Variants in PDE1C observed in about 807,000 individuals in gnomAD.
PDE1C encodes dual specificity calcium/calmodulin-dependent 3',5'-cyclic nucleotide phosphodiesterase 1C.
In PDE1C, 62 loss-of-function variants were observed where a neutral mutation model predicts 93.1. That is an observed-to-expected ratio of 0.67 (90% CI 0.54 to 0.82). The LOEUF is 0.82. Among genes scored for constraint, PDE1C ranks in the 40% least tolerant of loss-of-function variants. The pLI, the probability that PDE1C is intolerant of heterozygous loss-of-function variation, is 0.00. For missense variants in PDE1C, 742 were observed against 884.6 expected, an observed-to-expected ratio of 0.84 and a Z score of 2.04; for synonymous variants, 325 against 310.1, an observed-to-expected ratio of 1.05 and a Z score of -0.50.
chr7:31,701,647 G>C, the PDE1C span, among the ~76,000 whole-genome samples: 3 of 152,170 alleles, frequency 2.0e-5, no homozygotes, highest in Non-Finnish European at 2.9e-5. Context: ...ATTGTTAAAG[G>C]AAGAGTCCAT....
At chr7:32,042,889 G>A (rs899446384) in intron 2 of PDE1C, among the ~76,000 whole-genome samples, 17 of 152,140 alleles carry the variant, frequency 1.1e-4, no homozygotes, top group African/African-American at 4.1e-4. Flanking sequence ...CTGTTTTTGA[G>A]CCAAAGACCA....
At chr7:32,269,775 G>T (rs1810843302) in intron 1 of PDE1C, among the ~76,000 whole-genome samples, 3 of 151,832 alleles carry the variant, frequency 2.0e-5, no homozygotes. Context: ...ACCGTGCCCG[G>T]CCTGTTTGTT....
At chr7:31,764,859 C>A (rs1239455236) in intron 17 of PDE1C, among the ~76,000 whole-genome samples, 1 of 152,156 alleles carries the variant, frequency 6.6e-6, no homozygotes, top group Non-Finnish European at 1.5e-5. Context: ...CATTCAGTAA[C>A]CTTCATAAAT....
At position 32,218,499 on chromosome 7, in the gene PDE1C, A is replaced by G. The variant is rs1302021784; in HGVS notation, c.86-8960T>C. Among the ~76,000 whole-genome samples, 2 of 152,188 alleles carry G rather than the reference A, an allele frequency of 1.3e-5. 1 individual carries two copies. The highest frequency in any genetic ancestry group is 4.8e-5 in the African/African-American group (2 of 41,450). On this transcript the variant is annotated intron_variant, in intron 1 of 18. Coordinates refer to the PDE1C transcript ENST00000396193. ...TGGCTCGTGCAGCCCAGGGTATCAC[A>G]CAGACAGAGGGAAAATCCAAGAGGC...
At chr7:32,132,670 A>T (rs1285475734) in intron 3 of PDE1C, among the ~76,000 whole-genome samples, 1 of 152,146 alleles carries the variant, frequency 6.6e-6, no homozygotes, top group Non-Finnish European at 1.5e-5. Flanking sequence ...TGTCTCAAAA[A>T]TAACAATGAC....
At chr7:31,717,946 AG>A in the PDE1C span, among the ~76,000 whole-genome samples, 2 of 152,214 alleles carry the variant, frequency 1.3e-5, no homozygotes. Context: ...GGAGAAGCAA[AG>A]AGAAGAAATG....
chr7:32,067,073 T>C (rs1162938917), intron 1 of PDE1C, among the ~76,000 whole-genome samples: 1 of 152,204 alleles, frequency 6.6e-6, no homozygotes, highest in African/African-American at 2.4e-5. Context: ...TCAAGGGGCA[T>C]GGGCGCCATC....
chr7:32,117,231 G>A (rs1013673403), intron 3 of PDE1C, among the ~76,000 whole-genome samples: 6 of 152,170 alleles, frequency 3.9e-5, no homozygotes, highest in African/African-American at 1.4e-4. Flanking sequence ...AGAATCTCAA[G>A]CAGTTTGTCT....
downstream of PDE1C, among the ~76,000 whole-genome samples, chr7:31,748,555 A>G (rs1794054257): frequency 6.6e-6 from 1 of 152,248 alleles, no homozygotes; most frequent in African/African-American, 2.4e-5. Flanking sequence ...TTCCACAGTT[A>G]TTATCACTTG....
At chr7:31,776,163 G>T (rs938905174) in intron 16 of PDE1C, among the ~76,000 whole-genome samples, 2 of 152,208 alleles carry the variant, frequency 1.3e-5, no homozygotes, top group African/African-American at 4.8e-5. Flanking sequence ...TTCTGATTTA[G>T]AATGAGGGAA....
At chr7:32,360,955 G>C (rs141744806) in intron 1 of PDE1C, among the ~76,000 whole-genome samples, 6 of 152,250 alleles carry the variant, frequency 3.9e-5, no homozygotes, top group African/African-American at 1.2e-4. Context: ...GAGCTTTATG[G>C]GTACGAATTC....
At chr7:32,128,687 G>A (rs1400338791) in intron 3 of PDE1C, among the ~76,000 whole-genome samples, 4 of 151,284 alleles carry the variant, frequency 2.6e-5, no homozygotes, top group Admixed American at 6.6e-5. Flanking sequence ...TAGTAACAAC[G>A]TAAACGGGTA....
chr7:31,848,788 C>T (rs1317209914), intron 8 of PDE1C, among the ~76,000 whole-genome samples: 1 of 152,124 alleles, frequency 6.6e-6, no homozygotes, highest in Non-Finnish European at 1.5e-5. Context: ...TTGTTAGAGC[C>T]CTTTGGTGGC....
intron 1 of PDE1C, among the ~76,000 whole-genome samples, chr7:32,289,806 T>C (rs2128896419): frequency 6.6e-6 from 1 of 152,220 alleles, no homozygotes; most frequent in East Asian, 1.9e-4. Flanking sequence ...TCTCCTTTTC[T>C]CCTCCCCAAG....
intron 7 of PDE1C, among the ~76,000 whole-genome samples, chr7:31,859,896 TA>T (rs1292643809): frequency 6.6e-6 from 1 of 152,192 alleles, no homozygotes; most frequent in Non-Finnish European, 1.5e-5. Context: ...TACAACTTTT[TA>T]AACTGAATAA....
chr7:32,136,857 C>T (rs1800239472), intron 3 of PDE1C, among the ~76,000 whole-genome samples: 1 of 152,182 alleles, frequency 6.6e-6, no homozygotes, highest in Non-Finnish European at 1.5e-5. Flanking sequence ...CAAAAATTAT[C>T]TTCATCTGAA....
upstream of PDE1C, chr7:32,070,602 C>T: frequency 7.0e-7 from 1 of 1,420,810 alleles, no homozygotes; most frequent in South Asian, 1.5e-5. Flanking sequence ...GCTCCGGAGG[C>T]AGCTGCGGGA....
Position 32,298,748 on chromosome 7 carries a change from C to T in PDE1C, c.-13G>A, listed in dbSNP as rs780745383. On this transcript the variant is annotated 5_prime_UTR_variant, in exon 1 of 19. Transcript: ENST00000396193. ...CGGCGTCCGTCATGGCTCGGCCGGC[C>T]GGGCAGGGGCCTCGCAGCGAGACCA... The T allele has an allele frequency of 1.2e-5, 19 of 1,580,478 alleles. No homozygotes were observed. In the African/African-American group the frequency reaches 2.0e-4, roughly 17 times the overall value.
chr7:31,653,641 T>C, the PDE1C span: 1 of 152,218 alleles, frequency 6.6e-6, no homozygotes, highest in East Asian at 1.9e-4. Context: ...TCTTTGTAGC[T>C]ATCTCATTTA....
Sources: allele counts gnomAD v4.1 joint callset (sites outside exome capture counted in the v4.1 genomes callset), GRCh38; gene constraint gnomAD v4.1.1; transcripts MANE v1.5; gene names NCBI Gene and HGNC (gene_info 2026-07-23, HGNC 2026-07-21).